The following ZCWPW2 variants were observed in gnomAD, a reference collection of about 807,000 sequenced individuals.
ZCWPW2 encodes the protein zinc finger CW-type PWWP domain protein 2.
A neutral mutation model predicts 46.6 loss-of-function variants in ZCWPW2; 45 were observed. The observed-to-expected ratio is 0.96, with a 90% CI of 0.76 to 1.24. The LOEUF is 1.24. ZCWPW2 is among the 50% of genes most tolerant of loss of function. ZCWPW2 has a pLI of 0.00. For missense variants in ZCWPW2, 429 were observed against 403.9 expected, an observed-to-expected ratio of 1.06 and a Z score of -0.53; for synonymous variants, 152 against 137.1, an observed-to-expected ratio of 1.11 and a Z score of -0.76.
rs1381229723 is a variant in ZCWPW2 at position 28,452,338 on chromosome 3, G to A, written c.492+17069G>A. 4.3e-4 allele frequency among the ~76,000 whole-genome samples: 65 copies of A among 152,118 alleles called. 1 individual carries two copies. The highest frequency in any genetic ancestry group is 4.1e-3 in the Admixed American group (63 of 15,272). ...CTCACTCTGTCACCCAGGCTGGAGT[G>A]CAGTGGCACAGTCTCGGCTCACTGC... On this transcript the variant is annotated intron_variant, in intron 4 of 9. Coordinates refer to ENST00000383768, the MANE Select transcript of ZCWPW2 (RefSeq NM_001040432.4).
chr3:28,387,289 C>G (rs779838547), intron 1 of ZCWPW2, among the ~76,000 whole-genome samples: 2 of 152,122 alleles, frequency 1.3e-5, no homozygotes, highest in African/African-American at 4.8e-5. Flanking sequence ...TTGTTCCCAT[C>G]TGTCTTCTTT....
chr3:28,459,758 G>A (rs72909047), intron 4 of ZCWPW2, among the ~76,000 whole-genome samples: 8 of 152,094 alleles, frequency 5.3e-5, no homozygotes, highest in African/African-American at 1.9e-4. Context: ...TGTATGACTG[G>A]CATATTGGTG....
chr3:28,374,335 GTTTAA>G (rs765414465), intron 1 of ZCWPW2, among the ~76,000 whole-genome samples: 4 of 152,208 alleles, frequency 2.6e-5, no homozygotes, highest in Middle Eastern at 3.4e-3. Context: ...TCTCTATTCT[GTTTAA>G]TTAGTCTATG....
chr3:28,485,219 T>A (rs1699558091), intron 5 of ZCWPW2, among the ~76,000 whole-genome samples: 1 of 152,110 alleles, frequency 6.6e-6, no homozygotes, highest in Admixed American at 6.6e-5. Context: ...CACCTATCTC[T>A]CTGTTACCAG....
intron 2 of ZCWPW2, among the ~76,000 whole-genome samples, chr3:28,391,268 A>T (rs2125718055): frequency 6.6e-6 from 1 of 152,200 alleles, no homozygotes; most frequent in South Asian, 2.1e-4. Flanking sequence ...AAAAGAACAT[A>T]GAAGAGGATA....
intron 5 of ZCWPW2, 48 bp downstream of exon 5, chr3:28,478,979 A>G (rs776707190): frequency 4.0e-6 from 5 of 1,249,296 alleles, no homozygotes; most frequent in Non-Finnish European, 5.6e-6. Flanking sequence ...GATTTATTCA[A>G]ATGCATGTTT....
intron 6 of ZCWPW2, among the ~76,000 whole-genome samples, chr3:28,511,865 C>T (rs1406193157): frequency 6.6e-6 from 1 of 152,084 alleles, no homozygotes; most frequent in Non-Finnish European, 1.5e-5. Context: ...TCTGTAGTAG[C>T]TCTTTCAGCA....
At chr3:28,434,278 A>T (rs949905534) in intron 3 of ZCWPW2, among the ~76,000 whole-genome samples, 11 of 152,122 alleles carry the variant, frequency 7.2e-5, no homozygotes, top group African/African-American at 2.7e-4. Flanking sequence ...TCCATATAGA[A>T]TTATTATTTC....
At position 28,390,598 on chromosome 3, in the gene ZCWPW2, C is replaced by A; in HGVS notation, c.-33C>A. The A allele has an allele frequency of 1.0e-6, 1 of 985,250 alleles. No homozygotes were observed. Among genetic ancestry groups the A allele is most frequent in the Non-Finnish European group, 1.2e-6 (1 of 829,870 alleles). 61.0% of individuals were successfully genotyped at this position (985,250 alleles called of 1,614,324 possible). A position where few individuals can be genotyped will look rare whatever the true frequency, so the allele number is the denominator to read the frequency against. On this transcript the variant is annotated 5_prime_UTR_variant, in exon 2 of 10. Coordinates refer to ENST00000383768, the MANE Select transcript of ZCWPW2 (RefSeq NM_001040432.4). ...TTTCTTCATGGAATTTTGCTAGGAA[C>A]AAAAGAAAAGTCTAACTCCGTAAGT...
Position 28,394,601 on chromosome 3 carries a change from C to T in ZCWPW2, c.-14+3984C>T, listed in dbSNP as rs954452319. On this transcript the variant is annotated intron_variant, in intron 2 of 9. Coordinates refer to ENST00000383768, the MANE Select transcript of ZCWPW2 (RefSeq NM_001040432.4). The stretch of plus-strand genomic sequence containing the variant: ...CAAGAGGAAGAGACCAGAAATAAAC[C>T]CATGCATATACAACCAATGGATCTT... Among the ~76,000 whole-genome samples the T allele has an allele frequency of 2.6e-4, 40 of 151,882 alleles. 1 individual carries two copies. The highest frequency in any genetic ancestry group is 9.7e-4 in the African/African-American group (40 of 41,376).
chr3:28,370,174 T>C lies in ZCWPW2; in HGVS notation c.-133-20324T>C, dbSNP rs183427888. Among the ~76,000 whole-genome samples, 31 of 152,294 alleles carry C rather than the reference T, an allele frequency of 2.0e-4. No individual in the cohort carries two copies. In the East Asian group the frequency reaches 5.4e-3, roughly 27 times the overall value. ...GCTGCACCCACTGTCCTGCACCCAC[T>C]TTCTGACACTCCCCAGTGAGATGAA... On this transcript the variant is annotated intron_variant, in intron 1 of 9. Transcript: ENST00000383768.
At chr3:28,352,936 C>A (rs1016981277) in intron 1 of ZCWPW2, among the ~76,000 whole-genome samples, 1 of 152,094 alleles carries the variant, frequency 6.6e-6, no homozygotes, top group African/African-American at 2.4e-5. Context: ...GTGATCCCAG[C>A]ACTTTGGGAG....
chr3:28,357,221 A>C (rs1416253280), intron 1 of ZCWPW2, among the ~76,000 whole-genome samples: 1 of 152,182 alleles, frequency 6.6e-6, no homozygotes, highest in Non-Finnish European at 1.5e-5. Flanking sequence ...ATAATAATGA[A>C]AGGATGACAT....
At chr3:28,477,093 A>G (rs2125802844) in intron 4 of ZCWPW2, among the ~76,000 whole-genome samples, 1 of 152,308 alleles carries the variant, frequency 6.6e-6, no homozygotes, top group East Asian at 1.9e-4. Flanking sequence ...GGAACTGTTT[A>G]GTGCTATAAG....
At chr3:28,349,963 T>C (rs1704477138) in intron 1 of ZCWPW2, among the ~76,000 whole-genome samples, 1 of 152,210 alleles carries the variant, frequency 6.6e-6, no homozygotes, top group South Asian at 2.1e-4. Flanking sequence ...TGAAAATTTA[T>C]AGCTGTTAGG....
chr3:28,425,560 A>G (rs1559499339), intron 3 of ZCWPW2, among the ~76,000 whole-genome samples: 1 of 152,200 alleles, frequency 6.6e-6, no homozygotes, highest in Non-Finnish European at 1.5e-5. Flanking sequence ...CCTTACATGT[A>G]GCTTCTAAGG....
At chr3:28,432,435 G>A (rs1697299079) in intron 3 of ZCWPW2, among the ~76,000 whole-genome samples, 1 of 152,064 alleles carries the variant, frequency 6.6e-6, no homozygotes, top group African/African-American at 2.4e-5. Flanking sequence ...TGAATGGTTT[G>A]GTATATTAGG....
chr3:28,518,807 T>C (rs987761458), intron 8 of ZCWPW2, among the ~76,000 whole-genome samples: 9 of 152,300 alleles, frequency 5.9e-5, no homozygotes, highest in Admixed American at 5.9e-4. Context: ...ACTCAGAATG[T>C]AAAGTAGGAA....
intron 3 of ZCWPW2, among the ~76,000 whole-genome samples, chr3:28,424,524 C>T (rs954248693): frequency 6.6e-6 from 1 of 152,100 alleles, no homozygotes; most frequent in Admixed American, 6.6e-5. Context: ...AGAAGAAAGA[C>T]CATGTGAGGA....
Sources: gnomAD v4.1 joint callset for allele counts (sites outside exome capture counted in the v4.1 genomes callset) on GRCh38, gnomAD v4.1.1 for gene constraint, MANE v1.5 for transcripts, NCBI Gene and HGNC (gene_info 2026-07-23, HGNC 2026-07-21) for gene names.